The following TUBGCP2 variants were observed in gnomAD, a reference collection of about 807,000 sequenced individuals.
TUBGCP2 encodes tubulin gamma complex component 2.
A neutral mutation model predicts 92.2 loss-of-function variants in TUBGCP2; 55 were observed. That is an observed-to-expected ratio of 0.60 (90% CI 0.48 to 0.75). TUBGCP2 has a LOEUF of 0.75. TUBGCP2 is among the 30% of genes least tolerant of loss of function. The pLI is 0.00. For synonymous variants in TUBGCP2, 533 were observed against 505.2 expected, an observed-to-expected ratio of 1.06 and a Z score of -0.74; for missense variants, 1,093 against 1,188.9, an observed-to-expected ratio of 0.92 and a Z score of 1.19.
At chr10:133,311,742 A>G, upstream of TUBGCP2, 1 of 1,613,536 alleles carries the variant, frequency 6.2e-7, no homozygotes, top group Non-Finnish European at 8.5e-7. Flanking sequence ...GCCCCAGGGG[A>G]CAGTGGAGAG....
chr10:133,309,589 C>G (rs1424228030), upstream of TUBGCP2: 1 of 1,302,426 alleles, frequency 7.7e-7, no homozygotes. Context: ...TGTGCCTGTC[C>G]AGCTTTGGCG....
At chr10:133,308,109 A>T (rs1847871504) in intron 1 of TUBGCP2, among the ~76,000 whole-genome samples, 1 of 152,216 alleles carries the variant, frequency 6.6e-6, no homozygotes. Flanking sequence ...CAGACGAGAA[A>T]GCTAAAGCCT....
intron 7 of TUBGCP2, 69 bp from the exon 8 acceptor site, chr10:133,292,757 T>C (rs888893930): frequency 1.8e-5 from 28 of 1,526,996 alleles, no homozygotes; most frequent in Non-Finnish European, 2.3e-5. Flanking sequence ...ACAACACTGC[T>C]GGGGCCCCTC....
At chr10:133,304,656 A>C (rs555443760) in intron 1 of TUBGCP2, among the ~76,000 whole-genome samples, 21 of 152,360 alleles carry the variant, frequency 1.4e-4, no homozygotes, top group Non-Finnish European at 2.2e-4. Flanking sequence ...AGTGTAACAA[A>C]ATATATAAAA....
At chr10:133,291,017 G>T in intron 8 of TUBGCP2, 1 of 190,310 alleles carries the variant, frequency 5.3e-6, no homozygotes, top group Non-Finnish European at 1.1e-5. Context: ...CTGAAGAGAA[G>T]CCGACAGACC....
rs1847201307 is a variant in TUBGCP2 at position 133,288,853 on chromosome 10, C to T, written c.1528G>A (p.Val510Met). 6.2e-7 allele frequency: 1 copy of T among 1,611,196 alleles called. No homozygotes were observed. The highest frequency in any genetic ancestry group is 1.3e-5 in the African/African-American group (1 of 74,864). ...GCACGGAATCACCTGAGGTGAGCCA[C>T]CAGCTCCTTCTCCTCCATCAGGAAG... ...LDFLMEEKEL[V>M]AHLRSIKRYF... The change falls in exon 10 of 18, where the codon GTG becomes ATG. Residue 510 changes from valine (V) to methionine (M), a missense_variant. Physicochemically the swap from Val to Met is conservative, Grantham distance 21. This residue lies in a region of TUBGCP2 where 598 missense variants were observed against 675.5 expected (regional missense o/e 0.89). Coordinates refer to ENST00000252936, the MANE Select transcript of TUBGCP2 (RefSeq NM_006659.4).
intron 8 of TUBGCP2, among the ~76,000 whole-genome samples, chr10:133,291,798 C>T (rs548019521): frequency 2.6e-4 from 10 of 37,822 alleles, no homozygotes; most frequent in African/African-American, 1.1e-3. Context: ...GAGGGCAGCA[C>T]GCGCCCTCCG....
rs773753082 is a variant in TUBGCP2, at chr10:133,281,283, C to CGCTG, written c.2559_2562dup (p.Val855GlnfsTer7). On this transcript the variant is annotated frameshift_variant, in exon 17 of 18. Coordinates refer to ENST00000252936, the MANE Select transcript of TUBGCP2 (RefSeq NM_006659.4). LOFTEE classifies it high-confidence loss of function. ...GTGGCGCCCACCCACCTGGAGATGA[C>CGCTG]GCTGGCCATGCCGTGCTCACAGTCA... The CGCTG allele has an allele frequency of 6.2e-7, 1 of 1,611,086 alleles. No homozygotes were observed. Among genetic ancestry groups the CGCTG allele is most frequent in the South Asian group, 1.1e-5 (1 of 91,014 alleles).
At position 133,285,459 on chromosome 10, in the gene TUBGCP2, T is replaced by C. The variant is rs1297482861; in HGVS notation, c.1892A>G (p.Asn631Ser). ...IVKWPLSLII[N>S]RKALTRYQML... ...TGCCCGAGCAGCCGACCCGCACCTG[T>C]TGATGATGAGCGAAAGGGGCCACTT... is the stretch of plus-strand genomic sequence containing the variant. Residue 631 changes from asparagine to serine, a missense_variant, in exon 12 of 18, where the codon AAC becomes AGC. This residue lies in a region of TUBGCP2 where 598 missense variants were observed against 675.5 expected (regional missense o/e 0.89). Coordinates refer to ENST00000252936, the MANE Select transcript of TUBGCP2 (RefSeq NM_006659.4). This position sits in a 1 kb window ranked among gnomAD's most constrained non-coding sequence, Gnocchi z 6.8. The C allele has an allele frequency of 4.3e-6, 7 of 1,613,416 alleles. No individual in the cohort carries two copies. Among genetic ancestry groups the C allele is most frequent in the South Asian group, 1.1e-5 (1 of 91,062 alleles).
intron 1 of TUBGCP2, among the ~76,000 whole-genome samples, chr10:133,303,797 G>A (rs529267414): frequency 8.3e-4 from 126 of 152,350 alleles, no homozygotes; most frequent in African/African-American, 2.8e-3. Context: ...TTCCCTACAC[G>A]TTTGAGCTAG....
chr10:133,310,113 C>T (rs146037041), upstream of TUBGCP2: 47 of 1,611,860 alleles, frequency 2.9e-5, no homozygotes, highest in African/African-American at 4.9e-4. Flanking sequence ...GGGGGCATGG[C>T]GGTGGGGGAG....
At chr10:133,296,370 C>T (rs754634955) in intron 5 of TUBGCP2, among the ~76,000 whole-genome samples, 29 of 152,302 alleles carry the variant, frequency 1.9e-4, no homozygotes, top group Non-Finnish European at 2.2e-4. Context: ...CACCACTCCC[C>T]GGCTGCCTGC....
intron 2 of TUBGCP2, 197 bp downstream of exon 2, chr10:133,302,593 AAC>A: frequency 1.6e-6 from 1 of 612,928 alleles, no homozygotes; most frequent in South Asian, 2.0e-5. Flanking sequence ...CTGATCCAGG[AAC>A]AGTGTTCATC....
At chr10:133,293,387 G>T (rs1459490199) in intron 6 of TUBGCP2, 149 bp from the exon 7 acceptor site, 2 of 1,213,066 alleles carry the variant, frequency 1.6e-6, no homozygotes, top group African/African-American at 3.0e-5. Context: ...GAGGAGATGA[G>T]TCAGGACCCT....
intron 1 of TUBGCP2, among the ~76,000 whole-genome samples, chr10:133,305,227 GAAAGT>G (rs2136142437): frequency 6.6e-6 from 1 of 152,322 alleles, no homozygotes; most frequent in African/African-American, 2.4e-5. Flanking sequence ...CAAAATTAGT[GAAAGT>G]ATTAAAGTCT....
At chr10:133,309,217 A>G (rs1458604813), upstream of TUBGCP2, 7 of 1,300,956 alleles carry the variant, frequency 5.4e-6, no homozygotes, top group Non-Finnish European at 7.1e-6. Context: ...GGAGCCTGGG[A>G]CAGGCGGGAC....
At chr10:133,301,011 C>G (rs1320910052) in intron 2 of TUBGCP2, among the ~76,000 whole-genome samples, 2 of 152,296 alleles carry the variant, frequency 1.3e-5, no homozygotes, top group South Asian at 4.1e-4. Context: ...CCTTTTCCCC[C>G]CAGTAGTTTA....
chr10:133,286,403 G>A (rs1479914178), intron 11 of TUBGCP2, among the ~76,000 whole-genome samples: 1 of 152,170 alleles, frequency 6.6e-6, no homozygotes, highest in East Asian at 1.9e-4. Flanking sequence ...CAAAATATCT[G>A]AATCAAGAAT....
chr10:133,302,172 T>TG, intron 2 of TUBGCP2: 1 of 159,188 alleles, frequency 6.3e-6, no homozygotes, highest in Non-Finnish European at 1.4e-5. Context: ...CAGGAGCTGC[T>TG]GGGGGGAGTC....
Sources: gnomAD v4.1 joint callset for allele counts (sites outside exome capture counted in the v4.1 genomes callset) on GRCh38, gnomAD v4.1.1 for gene constraint, gnomAD v4.1.1 regional missense constraint, Gnocchi (gnomAD v3.1) non-coding constraint, MANE v1.5 for transcripts, NCBI Gene and HGNC (gene_info 2026-07-23, HGNC 2026-07-21) for gene names.